CFAP47: variants seen among roughly 807,000 people sequenced by gnomAD.
The protein encoded by CFAP47 is cilia and flagella associated protein 47.
A neutral mutation model predicts 148.1 loss-of-function variants in CFAP47; 29 were observed. That is an observed-to-expected ratio of 0.20 (90% CI 0.15 to 0.27). The LOEUF (loss-of-function observed/expected upper bound fraction) is 0.27. Ranked by LOEUF, CFAP47 falls within the 10% of genes least tolerant of loss-of-function variation. The pLI is 1.00. For synonymous variants in CFAP47, 664 were observed against 577.3 expected (o/e 1.15, Z -2.15); for missense variants, 1,872 against 1,697.5 (o/e 1.10, Z -1.81).
chrX:35,946,016 G>T (rs1356465461), intron 3 of CFAP47, among the ~76,000 whole-genome samples: 1 of 108,671 alleles, frequency 9.2e-6, no homozygotes, highest in Non-Finnish European at 1.9e-5. Flanking sequence ...GGGATTACAG[G>T]TGTGCGCCAC....
intron 27 of CFAP47, among the ~76,000 whole-genome samples, chrX:36,066,203 G>A (rs1168693918): frequency 1.8e-5 from 2 of 111,078 alleles, no homozygotes; most frequent in Non-Finnish European, 3.8e-5. Flanking sequence ...ACAAGCTAGT[G>A]AGCAGGGAGA....
Position 36,011,618 on chromosome X carries a change from C to A in CFAP47, c.3418-3156C>A, listed in dbSNP as rs182033569. On this transcript the variant is annotated intron_variant, in intron 21 of 63. Coordinates refer to ENST00000378653, the MANE Select transcript of CFAP47 (RefSeq NM_001304548.2). The stretch of plus-strand genomic sequence containing the variant: ...TCAAAGATAGGCAAAACATGCCAAG[C>A]ACATTGCATCAGTCCTTCATGTACC... Among the ~76,000 whole-genome samples, 34 of 112,076 alleles carry A rather than the reference C, an allele frequency of 3.0e-4. 1 individual carries two copies. The Admixed American group carries it at 3.1e-3, about 10-fold the overall frequency.
At chrX:36,171,088 A>G (rs1403027042) in intron 39 of CFAP47, among the ~76,000 whole-genome samples, 1 of 110,925 alleles carries the variant, frequency 9.0e-6, no homozygotes, top group Non-Finnish European at 1.9e-5. Flanking sequence ...GGCTGCATAA[A>G]TGTCTTCTTT....
intron 46 of CFAP47, among the ~76,000 whole-genome samples, chrX:36,234,126 G>C (rs1158081523): frequency 9.2e-5 from 10 of 108,459 alleles, no homozygotes; most frequent in African/African-American, 3.4e-4. Flanking sequence ...TATCTTTGTG[G>C]CGTTCTCTGT....
At chrX:36,234,159 C>T (rs1940416119) in intron 46 of CFAP47, among the ~76,000 whole-genome samples, 1 of 109,041 alleles carries the variant, frequency 9.2e-6, no homozygotes, top group Admixed American at 9.8e-5. Context: ...TGAATGTTGG[C>T]CTGCCTTGCT....
At chrX:36,170,595 T>A (rs1213846371) in intron 39 of CFAP47, among the ~76,000 whole-genome samples, 1 of 110,600 alleles carries the variant, frequency 9.0e-6, no homozygotes, top group African/African-American at 3.3e-5. Context: ...TGATTTCCAA[T>A]TTCATCCATG....
chrX:36,219,156 A>G (rs1371496507), intron 45 of CFAP47, among the ~76,000 whole-genome samples: 1 of 112,115 alleles, frequency 8.9e-6, no homozygotes, highest in African/African-American at 3.2e-5. Context: ...TTACTCCCAC[A>G]AAAGACAGAA....
intron 51 of CFAP47, among the ~76,000 whole-genome samples, chrX:36,297,714 G>A (rs1391957843): frequency 1.7e-4 from 19 of 111,792 alleles, no homozygotes; most frequent in Admixed American, 1.6e-3. Flanking sequence ...ACAGAAGGAA[G>A]AAATCTAAAC....
chrX:36,377,949 T>C (rs1942040026), intron 62 of CFAP47, among the ~76,000 whole-genome samples: 1 of 111,771 alleles, frequency 8.9e-6, no homozygotes, highest in African/African-American at 3.2e-5. Flanking sequence ...TAAATAAAGC[T>C]ATGGTTCCAA....
In CFAP47 at chrX:35,924,526, T is replaced by TGC; in HGVS notation, c.250-1490_250-1489dup. ...ATAGGTGCACATATATGTGTATATATGCACATATATGTGCACCTATATGTG... is the reference window on the plus strand; with the variant it reads ...ATAGGTGCACATATATGTGTATATATGCGCACATATATGTGCACCTATATGTG... On this transcript the variant is annotated intron_variant, in intron 1 of 63. Transcript: ENST00000378653. Among the ~76,000 whole-genome samples, 3 of 97,504 alleles carry TGC rather than the reference T, an allele frequency of 3.1e-5. No individual in the cohort carries two copies. The South Asian group carries it at 1.3e-3, about 41-fold the overall frequency. 84.7% of individuals were successfully genotyped at this position (97,504 alleles called of 115,157 possible).
intron 57 of CFAP47, among the ~76,000 whole-genome samples, chrX:36,320,567 T>C (rs1941470699): frequency 8.9e-6 from 1 of 112,265 alleles, no homozygotes. Flanking sequence ...CTTGAATCTT[T>C]TTGTGTTTCA....
chrX:36,054,294 A>G (rs1937536915), intron 26 of CFAP47, among the ~76,000 whole-genome samples: 2 of 112,446 alleles, frequency 1.8e-5, no homozygotes, highest in Non-Finnish European at 3.7e-5. Flanking sequence ...TTAGTTATCC[A>G]TAAGTGTTGC....
chrX:36,255,451 C>T (rs1418725029), intron 49 of CFAP47, among the ~76,000 whole-genome samples: 2 of 111,906 alleles, frequency 1.8e-5, no homozygotes, highest in Non-Finnish European at 3.8e-5. Context: ...AGAGTTGTCC[C>T]GAGTTGGGAG....
At chrX:36,098,732 C>A (rs887837057) in intron 30 of CFAP47, 61 bp from the exon 31 acceptor site, 20 of 533,132 alleles carry the variant, frequency 3.8e-5, no homozygotes, top group Non-Finnish European at 5.5e-5. Flanking sequence ...ATGGTCAATG[C>A]AAATCATATA....
chrX:36,299,284 C>T (rs1352051345), intron 52 of CFAP47, 132 bp downstream of exon 52: 1 of 360,895 alleles, frequency 2.8e-6, no homozygotes, highest in African/African-American at 2.7e-5. Flanking sequence ...ATACTAGTCC[C>T]TGAAAAAATG....
At chrX:36,306,436 C>A (rs1187353414) in intron 54 of CFAP47, among the ~76,000 whole-genome samples, 2 of 111,268 alleles carry the variant, frequency 1.8e-5, no homozygotes, top group Non-Finnish European at 3.8e-5. Context: ...TTGGGATGGG[C>A]AATATGCTAT....
intron 2 of CFAP47, among the ~76,000 whole-genome samples, chrX:35,940,329 G>T (rs2146630887): frequency 9.0e-6 from 1 of 111,092 alleles, no homozygotes; most frequent in South Asian, 3.8e-4. Context: ...TTTGGCTTTT[G>T]TTGCCATTGC....
intron 45 of CFAP47, among the ~76,000 whole-genome samples, chrX:36,221,702 T>A (rs1296280464): frequency 9.0e-6 from 1 of 111,307 alleles, no homozygotes; most frequent in Non-Finnish European, 1.9e-5. Flanking sequence ...TATATTAATA[T>A]TAAAACAAGT....
At chrX:36,112,083 T>C (rs73472807) in intron 33 of CFAP47, among the ~76,000 whole-genome samples, 2,904 of 111,488 alleles carry the variant, frequency 0.026, 97 homozygotes, top group African/African-American at 0.09. Flanking sequence ...AATGGTTTTT[T>C]GTGCCTCAAT....
Sources: allele counts gnomAD v4.1 joint callset (sites outside exome capture counted in the v4.1 genomes callset), GRCh38; gene constraint gnomAD v4.1.1; transcripts MANE v1.5; gene names NCBI Gene and HGNC (gene_info 2026-07-23, HGNC 2026-07-21).